CLSTN1: variants seen among roughly 807,000 people sequenced by gnomAD.
CLSTN1 encodes the protein calsyntenin-1.
In CLSTN1, 28 loss-of-function variants were observed where a neutral mutation model predicts 108.3. The observed-to-expected ratio is 0.26, with a 90% CI of 0.19 to 0.35. The LOEUF (loss-of-function observed/expected upper bound fraction) is 0.35, where lower values mean the gene tolerates loss of function less well. Ranked by LOEUF, CLSTN1 falls within the 10% of genes least tolerant of loss-of-function variation. CLSTN1 has a pLI of 1.00. For synonymous variants in CLSTN1, 524 were observed against 534.9 expected (o/e 0.98, Z 0.28); for missense variants, 1,157 against 1,302.6 (o/e 0.89, Z 1.72).
At chr1:9,749,724 T>G in intron 6 of CLSTN1, 40 bp downstream of exon 6, 1 of 1,612,134 alleles carries the variant, frequency 6.2e-7, no homozygotes, top group African/African-American at 1.3e-5. Context: ...ACATCAGTTT[T>G]AAGAGCAGAT....
At chr1:9,800,164 A>G (rs761054055) in intron 1 of CLSTN1, among the ~76,000 whole-genome samples, 1 of 152,148 alleles carries the variant, frequency 6.6e-6, no homozygotes, top group Non-Finnish European at 1.5e-5. Flanking sequence ...CTTCAACCTT[A>G]GGAAACTAGA....
intron 7 of CLSTN1, among the ~76,000 whole-genome samples, chr1:9,747,404 A>G (rs1460265491): frequency 6.6e-6 from 1 of 152,174 alleles, no homozygotes; most frequent in Admixed American, 6.6e-5. Context: ...ATTTGGATTC[A>G]GAGTTGCCAA....
At chr1:9,822,101 A>T (rs776283706) in intron 1 of CLSTN1, among the ~76,000 whole-genome samples, 1 of 152,238 alleles carries the variant, frequency 6.6e-6, no homozygotes, top group Non-Finnish European at 1.5e-5. Context: ...AAAATACCCA[A>T]TCCAAGCACA....
At chr1:9,790,511 ATT>A in intron 1 of CLSTN1, among the ~76,000 whole-genome samples, 1 of 151,424 alleles carries the variant, frequency 6.6e-6, no homozygotes, top group Non-Finnish European at 1.5e-5. Flanking sequence ...CTTCTTGCAC[ATT>A]GTTTGATTTG....
chr1:9,739,815 T>TTC lies in CLSTN1; in HGVS notation c.1519+1278_1519+1279insGA, dbSNP rs1491572862. 7.9e-3 allele frequency among the ~76,000 whole-genome samples: 709 copies of TTC among 89,814 alleles called. 7 individuals carry two copies. The highest frequency in any genetic ancestry group is 0.059 in the African/African-American group (656 of 11,152). The allele number at this position is 89,814 out of a possible 152,430, so 58.9% of individuals were successfully genotyped here. ...GCTCGGGCTGGAGTGCAATAGGGCA[T>TTC]TTTTTTTTTTTTTTTTTTTGAGACG... is the stretch of plus-strand genomic sequence containing the variant. On this transcript the variant is annotated intron_variant, in intron 10 of 18. Transcript: ENST00000377298.
At position 9,800,458 on chromosome 1, in the gene CLSTN1, G is replaced by A. The variant is rs531907938; in HGVS notation, c.91+23185C>T. 1.3e-4 allele frequency among the ~76,000 whole-genome samples: 20 copies of A among 150,812 alleles called. No individual in the cohort carries two copies. In the East Asian group the frequency reaches 2.7e-3, roughly 21 times the overall value. ...AAAGGGGCTGGGCATGGTGGTTCAC[G>A]CCTGTAATCCCAGAACTTTGGGAGG... On this transcript the variant is annotated intron_variant, in intron 1 of 18. Coordinates refer to ENST00000377298, the MANE Select transcript of CLSTN1 (RefSeq NM_001009566.3).
At chr1:9,762,108 G>A (rs1223119245) in intron 2 of CLSTN1, among the ~76,000 whole-genome samples, 1 of 152,150 alleles carries the variant, frequency 6.6e-6, no homozygotes, top group Non-Finnish European at 1.5e-5. Context: ...GGGAAGCTGG[G>A]TAACAGGTTG....
chr1:9,762,602 C>T lies in CLSTN1; in HGVS notation c.215-6092G>A, dbSNP rs1030695237. On this transcript the variant is annotated intron_variant, in intron 2 of 18. Coordinates refer to ENST00000377298, the MANE Select transcript of CLSTN1 (RefSeq NM_001009566.3). ...CCGCACTCAACGGCTCTGCTCCACTCGGCCTTGGTGCCCGCACTCAACGGC... is the reference window on the plus strand; with the variant it reads ...CCGCACTCAACGGCTCTGCTCCACTTGGCCTTGGTGCCCGCACTCAACGGC... Among the ~76,000 whole-genome samples, 4 of 149,948 alleles carry T rather than the reference C, an allele frequency of 2.7e-5. No homozygotes were observed. The East Asian group carries it at 6.2e-4, about 23-fold the overall frequency.
intron 2 of CLSTN1, among the ~76,000 whole-genome samples, chr1:9,764,571 A>G (rs543616067): frequency 7.0e-6 from 1 of 142,506 alleles, no homozygotes; most frequent in East Asian, 2.2e-4. Context: ...TCTGAGGCAG[A>G]GGTTGCAGTG....
chr1:9,813,006 A>C (rs547348872), intron 1 of CLSTN1, among the ~76,000 whole-genome samples: 1 of 151,138 alleles, frequency 6.6e-6, no homozygotes, highest in Admixed American at 6.6e-5. Context: ...TCTACTAAAA[A>C]TACAAAAATT....
intron 1 of CLSTN1, among the ~76,000 whole-genome samples, chr1:9,789,870 T>C (rs921348831): frequency 4.0e-5 from 6 of 151,230 alleles, no homozygotes; most frequent in African/African-American, 1.5e-4. Context: ...TCCCAGCTAC[T>C]TGGGAGGCTG....
chr1:9,748,902 C>G (rs1296482853), intron 7 of CLSTN1, among the ~76,000 whole-genome samples: 1 of 152,036 alleles, frequency 6.6e-6, no homozygotes, highest in African/African-American at 2.4e-5. Context: ...ATACTTCCTT[C>G]AAATCAGTGG....
At chr1:9,792,051 G>T (rs1159879383) in intron 1 of CLSTN1, among the ~76,000 whole-genome samples, 1 of 150,686 alleles carries the variant, frequency 6.6e-6, no homozygotes, top group East Asian at 2.0e-4. Context: ...CGGGAGGCTG[G>T]GGCAGGAGAA....
In CLSTN1 at chr1:9,756,501, T is replaced by C; in HGVS notation, c.224A>G (p.Glu75Gly). The change falls in exon 3 of 19, where the codon GAG (glutamate) becomes GGG (glycine). Residue 75 changes from glutamate to glycine, a missense_variant. Physicochemically the swap from Glu to Gly is moderately conservative, Grantham distance 98. Transcript: ENST00000377298. ...ATCACCTTCTTTGGTGACTGTCACCTCAAAACTCTCTAAAGGGAGAAAAGA... is the reference window on the plus strand; with the variant it reads ...ATCACCTTCTTTGGTGACTGTCACCCCAAAACTCTCTAAAGGGAGAAAAGA... ...DAPLRFAESF[E>G]VTVTKEGEIC... The C allele has an allele frequency of 1.2e-6, 2 of 1,612,466 alleles. No individual in the cohort carries two copies. The highest frequency in any genetic ancestry group is 1.7e-6 in the Non-Finnish European group (2 of 1,178,662).
chr1:9,752,577 G>A (rs1651604671), intron 4 of CLSTN1, among the ~76,000 whole-genome samples: 1 of 152,102 alleles, frequency 6.6e-6, no homozygotes, highest in Non-Finnish European at 1.5e-5. Flanking sequence ...TAGAAACTGA[G>A]ACTCAGGGCC....
At position 9,741,230 on chromosome 1, in the gene CLSTN1, G is replaced by A. The variant is rs139235777; in HGVS notation, c.1383C>T (p.Tyr461=). ...CACTCGGGAATTCTACATTGAGGAC[G>A]TAGTGGTGCCATTCCTCATCACAGA... The part of the protein sequence containing the change: ...NQVCDEEWHH[Y]VLNVEFPSVT... The change falls in exon 10 of 19, where the codon TAC becomes TAT. Residue 461 remains tyrosine (Y), a synonymous_variant. Transcript: ENST00000377298. 3.3e-5 allele frequency: 53 copies of A among 1,613,086 alleles called. No individual in the cohort carries two copies. The highest frequency in any genetic ancestry group is 1.8e-4 in the Admixed American group (11 of 59,978).
intron 1 of CLSTN1, among the ~76,000 whole-genome samples, chr1:9,800,354 GAGAGA>G (rs1654204795): frequency 6.6e-6 from 1 of 151,676 alleles, no homozygotes. Flanking sequence ...GAAAAAAAAA[GAGAGA>G]AGACACAAAT....
chr1:9,784,238 A>C (rs1653379735), intron 1 of CLSTN1, among the ~76,000 whole-genome samples: 1 of 149,594 alleles, frequency 6.7e-6, no homozygotes, highest in South Asian at 2.1e-4. Flanking sequence ...AGCTACTCGG[A>C]AGGTTGAGGC....
chr1:9,746,850 C>T (rs1458657813), intron 7 of CLSTN1, among the ~76,000 whole-genome samples: 2 of 152,078 alleles, frequency 1.3e-5, no homozygotes, highest in Non-Finnish European at 2.9e-5. Context: ...ACTTCGTAGA[C>T]TTGTTGGGAA....
Sources: gnomAD v4.1 joint callset for allele counts (sites outside exome capture counted in the v4.1 genomes callset) on GRCh38, gnomAD v4.1.1 for gene constraint, MANE v1.5 for transcripts, NCBI Gene and HGNC (gene_info 2026-07-23, HGNC 2026-07-21) for gene names.